Variants in ASTN2 observed in about 807,000 individuals in gnomAD.
The protein encoded by ASTN2 is astrotactin 2.
In ASTN2, 54 loss-of-function variants were observed where a neutral mutation model predicts 139.8. The observed-to-expected ratio is 0.39, with a 90% CI of 0.31 to 0.48. The LOEUF is 0.48. ASTN2 is among the 20% of genes least tolerant of loss of function. The pLI, the probability that ASTN2 is intolerant of heterozygous loss-of-function variation, is 0.95. For missense variants in ASTN2, 1,565 were observed against 1,725.1 expected, an observed-to-expected ratio of 0.91 and a Z score of 1.64; for synonymous variants, 756 against 719.5, an observed-to-expected ratio of 1.05 and a Z score of -0.81.
chr9:117,244,859 A>T (rs757177769), intron 2 of ASTN2, among the ~76,000 whole-genome samples: 4 of 152,082 alleles, frequency 2.6e-5, no homozygotes, highest in Non-Finnish European at 2.9e-5. Context: ...TGAAGCTGCT[A>T]TACCATTCCA....
Position 116,857,573 on chromosome 9 carries a change from G to C in ASTN2, c.2040+6010C>G, listed in dbSNP as rs115039310. ...AAAGCTGATGCTATGGGGCCATTAG[G>C]TGTTGGAATGTGAAACTGGAAGGGA... On this transcript the variant is annotated intron_variant, in intron 11 of 22. Transcript: ENST00000313400. 6.0e-3 allele frequency among the ~76,000 whole-genome samples: 918 copies of C among 152,282 alleles called. 7 individuals are homozygous for C. The highest frequency in any genetic ancestry group is 0.021 in the African/African-American group (860 of 41,534).
At chr9:117,192,258 C>CA (rs1831369099) in intron 3 of ASTN2, among the ~76,000 whole-genome samples, 1 of 151,960 alleles carries the variant, frequency 6.6e-6, no homozygotes, top group Admixed American at 6.6e-5. Flanking sequence ...GAAACCAAAG[C>CA]AAAAAAGCCG....
intron 1 of ASTN2, among the ~76,000 whole-genome samples, chr9:117,346,078 C>G (rs1488005316): frequency 2.7e-5 from 4 of 149,706 alleles, no homozygotes; most frequent in African/African-American, 9.8e-5. Context: ...TTGTCTAACC[C>G]TCAGTGGAGG....
chr9:117,071,657 A>C (rs552340357), intron 5 of ASTN2, among the ~76,000 whole-genome samples: 1 of 149,268 alleles, frequency 6.7e-6, no homozygotes, highest in African/African-American at 2.5e-5. Flanking sequence ...GCTAGCAATC[A>C]GCGAGATTCC....
At chr9:116,781,202 G>C (rs926067519) in intron 13 of ASTN2, among the ~76,000 whole-genome samples, 1 of 152,156 alleles carries the variant, frequency 6.6e-6, no homozygotes, top group African/African-American at 2.4e-5. Flanking sequence ...GGAGGGAGAA[G>C]TAGGTCAGCT....
intron 19 of ASTN2, chr9:116,586,462 T>C (rs1018649722): frequency 6.6e-6 from 1 of 152,172 alleles, no homozygotes; most frequent in African/African-American, 2.4e-5. Flanking sequence ...TACACAGCCT[T>C]AAAAAAGAAT....
intron 10 of ASTN2, among the ~76,000 whole-genome samples, chr9:116,952,395 A>G (rs1001261747): frequency 6.6e-6 from 1 of 152,184 alleles, no homozygotes; most frequent in Non-Finnish European, 1.5e-5. Context: ...TTGGCTTAGA[A>G]GCTCTTGGGG....
intron 5 of ASTN2, among the ~76,000 whole-genome samples, chr9:117,042,181 A>G (rs956251355): frequency 2.6e-5 from 4 of 152,218 alleles, no homozygotes; most frequent in African/African-American, 7.2e-5. Context: ...GCCATACAAC[A>G]GAACATCGGC....
At chr9:117,144,937 C>G (rs1418828348) in intron 3 of ASTN2, among the ~76,000 whole-genome samples, 1 of 151,934 alleles carries the variant, frequency 6.6e-6, no homozygotes, top group African/African-American at 2.4e-5. Flanking sequence ...CCTGCCTCAG[C>G]CTCTCAAAGT....
At chr9:117,240,081 G>A (rs767767977) in intron 2 of ASTN2, among the ~76,000 whole-genome samples, 148 of 152,212 alleles carry the variant, frequency 9.7e-4, no homozygotes, top group Non-Finnish European at 1.4e-3. Context: ...GTCAACCATA[G>A]TAAGTCAGGG....
At chr9:117,402,200 G>A (rs1041663916) in intron 1 of ASTN2, among the ~76,000 whole-genome samples, 1 of 152,138 alleles carries the variant, frequency 6.6e-6, no homozygotes, top group African/African-American at 2.4e-5. Context: ...CTCTGTAGCT[G>A]GGATTACAGG....
At chr9:117,299,032 A>G (rs950068058) in intron 1 of ASTN2, among the ~76,000 whole-genome samples, 1 of 152,078 alleles carries the variant, frequency 6.6e-6, no homozygotes, top group African/African-American at 2.4e-5. Flanking sequence ...AAAGAAAGAA[A>G]TGTTAATTTT....
intron 5 of ASTN2, among the ~76,000 whole-genome samples, chr9:117,093,780 C>T (rs1289747177): frequency 3.9e-5 from 6 of 152,138 alleles, no homozygotes; most frequent in Admixed American, 3.3e-4. Flanking sequence ...ATAGCAGCTG[C>T]GGCAGCAACA....
At chr9:116,543,190 G>T (rs1043637222) in intron 19 of ASTN2, among the ~76,000 whole-genome samples, 4 of 151,350 alleles carry the variant, frequency 2.6e-5, no homozygotes, top group Non-Finnish European at 5.9e-5. Flanking sequence ...AGAGATTATA[G>T]CATAAGGGCA....
chr9:116,986,280 G>A (rs7341922), intron 7 of ASTN2, among the ~76,000 whole-genome samples: 32,682 of 150,718 alleles, frequency 0.22, 3,978 homozygotes, highest in Admixed American at 0.33. Flanking sequence ...CCTCCCGACC[G>A]GATTCATCTC....
rs1175306157 is a variant in ASTN2, at chr9:117,016,624, C to CTATA, written c.1424-8369_1424-8366dup. ...TATATCTATATCTATATCTATCTAT[C>CTATA]TATATATATATATATATATATATAT... On this transcript the variant is annotated intron_variant, in intron 6 of 22. Transcript: ENST00000313400. Among the ~76,000 whole-genome samples the CTATA allele has an allele frequency of 3.2e-3, 64 of 19,992 alleles. 1 individual carries two copies. The highest frequency in any genetic ancestry group is 0.014 in the African/African-American group (60 of 4,424). The allele number at this position is 19,992 out of a possible 152,430, so 13.1% of individuals were successfully genotyped here.
chr9:116,435,672 C>T (rs935940428), intron 22 of ASTN2, among the ~76,000 whole-genome samples: 7 of 152,206 alleles, frequency 4.6e-5, no homozygotes, highest in African/African-American at 1.7e-4. Flanking sequence ...GACCCTTCTT[C>T]ATTCTGTTTC....
intron 17 of ASTN2, among the ~76,000 whole-genome samples, chr9:116,648,423 G>A (rs1212837740): frequency 2.0e-5 from 3 of 151,998 alleles, no homozygotes; most frequent in Non-Finnish European, 4.4e-5. Flanking sequence ...TGAACCACTG[G>A]CCCTGGGCCT....
intron 1 of ASTN2, among the ~76,000 whole-genome samples, chr9:117,312,981 G>T (rs918933311): frequency 1.3e-5 from 2 of 152,164 alleles, no homozygotes; most frequent in Admixed American, 1.3e-4. Flanking sequence ...CCAGAGTCTT[G>T]TTGACACCCA....
Sources: allele counts gnomAD v4.1 joint callset (sites outside exome capture counted in the v4.1 genomes callset), GRCh38; gene constraint gnomAD v4.1.1; transcripts MANE v1.5; gene names NCBI Gene and HGNC (gene_info 2026-07-23, HGNC 2026-07-21).